NSMCE2: variants seen among roughly 807,000 people sequenced by gnomAD.
The protein encoded by NSMCE2 is E3 SUMO-protein ligase NSE2.
In NSMCE2, 24 loss-of-function variants were observed where a neutral mutation model predicts 23.8. The observed-to-expected ratio is 1.01, with a 90% CI of 0.73 to 1.42. The LOEUF is 1.42. Among genes scored for constraint, NSMCE2 ranks in the 40% most tolerant of loss-of-function variants. The pLI is 0.00. For synonymous variants in NSMCE2, 92 were observed against 94.1 expected, an observed-to-expected ratio of 0.98 and a Z score of 0.13; for missense variants, 284 against 296.5, an observed-to-expected ratio of 0.96 and a Z score of 0.31.
At chr8:125,164,945 A>G (rs1004404072) in intron 4 of NSMCE2, among the ~76,000 whole-genome samples, 4 of 152,202 alleles carry the variant, frequency 2.6e-5, no homozygotes, top group African/African-American at 9.7e-5. Flanking sequence ...TTTGTTCATG[A>G]TCAATTCTTA....
chr8:125,272,015 T>TTTC (rs34606312), intron 5 of NSMCE2, among the ~76,000 whole-genome samples: 39 of 3,542 alleles, frequency 0.011, no homozygotes, highest in Non-Finnish European at 0.024. Flanking sequence ...AGTTTCTTTC[T>TTTC]TTTTTTTTTT....
chr8:125,208,999 A>T (rs949559563), intron 5 of NSMCE2, among the ~76,000 whole-genome samples: 1 of 152,156 alleles, frequency 6.6e-6, no homozygotes, highest in African/African-American at 2.4e-5. Context: ...TTTTTTAGAG[A>T]TGGGGTCTTG....
intron 5 of NSMCE2, among the ~76,000 whole-genome samples, chr8:125,303,177 G>A (rs956600837): frequency 6.6e-6 from 1 of 152,166 alleles, no homozygotes; most frequent in Non-Finnish European, 1.5e-5. Flanking sequence ...AGCTTTCAGA[G>A]TAGCTGCCTC....
intron 5 of NSMCE2, among the ~76,000 whole-genome samples, chr8:125,211,285 C>A (rs369480402): frequency 6.6e-6 from 1 of 152,180 alleles, no homozygotes; most frequent in East Asian, 1.9e-4. Context: ...GAAACAGTTA[C>A]TCTTACCAGT....
chr8:125,272,170 T>A (rs1324992722), intron 5 of NSMCE2, among the ~76,000 whole-genome samples: 1 of 151,806 alleles, frequency 6.6e-6, no homozygotes, highest in Non-Finnish European at 1.5e-5. Context: ...CCCACCATCA[T>A]GCCTGTCGAA....
chr8:125,299,574 C>T (rs1001208084), intron 5 of NSMCE2, among the ~76,000 whole-genome samples: 3 of 152,116 alleles, frequency 2.0e-5, no homozygotes. Context: ...CACCAGGTCC[C>T]TCCCTCAACA....
At chr8:125,334,555 G>T (rs1830002633) in intron 5 of NSMCE2, among the ~76,000 whole-genome samples, 1 of 152,124 alleles carries the variant, frequency 6.6e-6, no homozygotes. Flanking sequence ...CCAAGGCTGA[G>T]TCCTTCCCAC....
chr8:125,143,986 G>T (rs924281091), intron 3 of NSMCE2, among the ~76,000 whole-genome samples: 3 of 152,210 alleles, frequency 2.0e-5, no homozygotes, highest in Non-Finnish European at 2.9e-5. Flanking sequence ...AAAGCAAAAT[G>T]ATATCTGGTA....
intron 5 of NSMCE2, among the ~76,000 whole-genome samples, chr8:125,293,276 A>G (rs1487147577): frequency 1.3e-5 from 2 of 152,288 alleles, no homozygotes; most frequent in East Asian, 1.9e-4. Flanking sequence ...CTGCCCAGGA[A>G]GTTTATCAAG....
At chr8:125,253,274 G>T (rs1826268879) in intron 5 of NSMCE2, among the ~76,000 whole-genome samples, 1 of 152,226 alleles carries the variant, frequency 6.6e-6, no homozygotes, top group Admixed American at 6.5e-5. Context: ...GAATTAGCAG[G>T]TGTATGTAGA....
At chr8:125,214,326 T>C (rs1178669753) in intron 5 of NSMCE2, among the ~76,000 whole-genome samples, 3 of 152,116 alleles carry the variant, frequency 2.0e-5, no homozygotes, top group Non-Finnish European at 4.4e-5. Context: ...GACTAGGGAA[T>C]AGCAGTAGCA....
chr8:125,238,591 G>A (rs1416050386), intron 5 of NSMCE2, among the ~76,000 whole-genome samples: 1 of 151,872 alleles, frequency 6.6e-6, no homozygotes, highest in Non-Finnish European at 1.5e-5. Flanking sequence ...TTTCTTTCCT[G>A]TTCCTCCCCC....
intron 5 of NSMCE2, among the ~76,000 whole-genome samples, chr8:125,290,372 G>A (rs1828063450): frequency 6.6e-6 from 1 of 152,076 alleles, no homozygotes; most frequent in African/African-American, 2.4e-5. Context: ...TGTCTCATGG[G>A]AAAAGGGACT....
chr8:125,196,808 A>G (rs1250675927), intron 5 of NSMCE2, among the ~76,000 whole-genome samples: 6 of 152,200 alleles, frequency 3.9e-5, no homozygotes, highest in Non-Finnish European at 5.9e-5. Context: ...ACTAATTTAC[A>G]CTACCATCAA....
chr8:125,246,990 C>G lies in NSMCE2; in HGVS notation c.418+64734C>G, dbSNP rs529405095. On this transcript the variant is annotated intron_variant, in intron 5 of 7. Transcript: ENST00000287437. ...ACTATATAATATTGTTAACTATAGT[C>G]ACGTTGCTTTACTATGATTAAATTC... 2.0e-5 allele frequency among the ~76,000 whole-genome samples: 3 copies of G among 151,700 alleles called. No homozygotes were observed. The South Asian group carries it at 6.3e-4, about 32-fold the overall frequency.
At chr8:125,177,070 T>C (rs1822535509) in intron 4 of NSMCE2, among the ~76,000 whole-genome samples, 1 of 152,262 alleles carries the variant, frequency 6.6e-6, no homozygotes, top group South Asian at 2.1e-4. Context: ...TTGCTTTCTC[T>C]TAATAGTTTT....
chr8:125,289,083 C>T (rs546552059), intron 5 of NSMCE2, among the ~76,000 whole-genome samples: 1 of 152,348 alleles, frequency 6.6e-6, no homozygotes, highest in East Asian at 1.9e-4. Context: ...TGCCACCACA[C>T]TTGGCCTTTT....
intron 1 of NSMCE2, among the ~76,000 whole-genome samples, chr8:125,095,222 A>G (rs925426935): frequency 3.9e-5 from 6 of 152,344 alleles, no homozygotes; most frequent in African/African-American, 1.4e-4. Context: ...GAACGTTTTC[A>G]TCACAGAAAG....
intron 5 of NSMCE2, among the ~76,000 whole-genome samples, chr8:125,225,900 C>G (rs1363493503): frequency 1.3e-5 from 2 of 152,164 alleles, no homozygotes; most frequent in African/African-American, 4.8e-5. Context: ...TATTATCGTT[C>G]TCTTCTTTTT....
Sources: gnomAD v4.1 joint callset for allele counts (sites outside exome capture counted in the v4.1 genomes callset) on GRCh38, gnomAD v4.1.1 for gene constraint, MANE v1.5 for transcripts, NCBI Gene and HGNC (gene_info 2026-07-23, HGNC 2026-07-21) for gene names.